EYA1: variants seen among roughly 807,000 people sequenced by gnomAD.
The protein encoded by EYA1 is EYA transcriptional coactivator and phosphatase 1.
Under a neutral mutation model 82.0 loss-of-function variants are expected in EYA1, and 16 were observed. The observed-to-expected ratio is 0.20, with a 90% CI of 0.13 to 0.30. EYA1 has a LOEUF of 0.30. Among genes scored for constraint, EYA1 ranks in the 10% least tolerant of loss-of-function variants. The pLI, the probability that EYA1 is intolerant of heterozygous loss-of-function variation, is 1.00. For synonymous variants in EYA1, 261 were observed against 264.4 expected (o/e 0.99, Z 0.12); for missense variants, 633 against 730.7 (o/e 0.87, Z 1.54).
intron 2 of EYA1, among the ~76,000 whole-genome samples, chr8:71,379,258 A>G (rs1828554919): frequency 1.3e-5 from 2 of 152,128 alleles, no homozygotes; most frequent in African/African-American, 4.8e-5. Context: ...CCACACCTGT[A>G]CATACTCCTA....
chr8:71,482,883 G>A (rs1404364816), intron 2 of EYA1, among the ~76,000 whole-genome samples: 1 of 152,212 alleles, frequency 6.6e-6, no homozygotes, highest in East Asian at 1.9e-4. Flanking sequence ...GGTATCAGCT[G>A]AAAGAGAGGG....
At chr8:71,394,794 T>C (rs1309243042) in intron 2 of EYA1, among the ~76,000 whole-genome samples, 7 of 152,204 alleles carry the variant, frequency 4.6e-5, no homozygotes, top group Non-Finnish European at 8.8e-5. Flanking sequence ...TGGATCCATA[T>C]GAACTTTAAA....
intron 2 of EYA1, among the ~76,000 whole-genome samples, chr8:71,382,583 T>C (rs986857778): frequency 6.6e-6 from 1 of 152,136 alleles, no homozygotes; most frequent in Non-Finnish European, 1.5e-5. Flanking sequence ...CTTAAAAGTA[T>C]ACATTAATAG....
rs141779040 is a variant in EYA1, at chr8:71,321,827, A to G, written c.325T>C (p.Tyr109His). Residue 109 changes from tyrosine (Y) to histidine (H), a missense_variant, in exon 6 of 18, where the codon TAT (tyrosine) becomes CAT (histidine). Coordinates refer to ENST00000340726, the MANE Select transcript of EYA1 (RefSeq NM_000503.6). ...PTPSSQTMAA[Y>H]GQTQFTTGMQ... ...CCTGTGGTAAACTGTGTTTGCCCAT[A>G]TGCAGCCATAGTTTGTGAGGAAGGG... 129 of 1,614,108 alleles carry G rather than the reference A, an allele frequency of 8.0e-5. No individual in the cohort carries two copies. Among genetic ancestry groups the G allele is most frequent in the Non-Finnish European group, 1.1e-4 (125 of 1,180,034 alleles).
rs188510579 is a variant in EYA1, at chr8:71,473,939, T to C, written c.33+61805A>G. On this transcript the variant is annotated intron_variant, in intron 2 of 18. Coordinates refer to the EYA1 transcript ENST00000643681. ...CTGGAAACCATCATTCTCAGCAAAC[T>C]AAAACAGGAACAGAAAACAAAACAC... 4.1e-3 allele frequency among the ~76,000 whole-genome samples: 624 copies of C among 151,932 alleles called. 5 individuals carry two copies. Among genetic ancestry groups the C allele is most frequent in the African/African-American group, 0.014 (588 of 41,414 alleles).
intron 2 of EYA1, among the ~76,000 whole-genome samples, chr8:71,438,930 A>G (rs1276766545): frequency 6.6e-6 from 1 of 152,010 alleles, no homozygotes; most frequent in Non-Finnish European, 1.5e-5. Context: ...TGGGAGAAAA[A>G]TCCTGAGATA....
intron 2 of EYA1, among the ~76,000 whole-genome samples, chr8:71,504,894 C>A (rs529961274): frequency 2.8e-4 from 42 of 152,274 alleles, no homozygotes; most frequent in African/African-American, 9.6e-4. Flanking sequence ...CTCTGCCTCC[C>A]GGGCTCAAGT....
intron 2 of EYA1, among the ~76,000 whole-genome samples, chr8:71,515,012 A>G (rs1291138496): frequency 6.6e-6 from 1 of 152,168 alleles, no homozygotes; most frequent in Non-Finnish European, 1.5e-5. Flanking sequence ...ACAACTCCTA[A>G]TAATTAGCAC....
chr8:71,216,411 A>T (rs1157691073), intron 14 of EYA1, among the ~76,000 whole-genome samples: 1 of 152,134 alleles, frequency 6.6e-6, no homozygotes, highest in Middle Eastern at 3.2e-3. Flanking sequence ...AAGGATGCTA[A>T]TCCTTCCTTG....
chr8:71,429,987 A>G (rs1182201124), intron 2 of EYA1, among the ~76,000 whole-genome samples: 3 of 152,194 alleles, frequency 2.0e-5, no homozygotes, highest in Non-Finnish European at 2.9e-5. Flanking sequence ...CTATATATAA[A>G]CTTACTTTAA....
intron 2 of EYA1, among the ~76,000 whole-genome samples, chr8:71,479,843 T>A (rs1586800175): frequency 1.3e-5 from 2 of 152,302 alleles, no homozygotes; most frequent in East Asian, 3.9e-4. Context: ...CATTAATACC[T>A]GTCAGTGAGC....
At chr8:71,277,115 A>ATGC (rs1563383057) in intron 9 of EYA1, among the ~76,000 whole-genome samples, 32 of 76,946 alleles carry the variant, frequency 4.2e-4, no homozygotes, top group East Asian at 2.3e-3. Context: ...GGCTTCACAC[A>ATGC]TTTTTTTTTT....
chr8:71,421,943 G>C (rs753213914), intron 2 of EYA1, among the ~76,000 whole-genome samples: 1 of 152,176 alleles, frequency 6.6e-6, no homozygotes, highest in East Asian at 1.9e-4. Flanking sequence ...GAAAAGTATC[G>C]GCGTCAGTAT....
At chr8:71,416,686 G>A (rs2129145246) in intron 2 of EYA1, among the ~76,000 whole-genome samples, 1 of 152,172 alleles carries the variant, frequency 6.6e-6, no homozygotes, top group Non-Finnish European at 1.5e-5. Context: ...CCTTGGACTG[G>A]CAGCCTCAGC....
chr8:71,542,529 T>C (rs534468102), intron 1 of EYA1, among the ~76,000 whole-genome samples: 75 of 152,338 alleles, frequency 4.9e-4, no homozygotes, highest in African/African-American at 1.8e-3. Flanking sequence ...AACATACACG[T>C]GCATGTGTCT....
At chr8:71,211,075 C>A (rs1189983648) in intron 17 of EYA1, 81 bp downstream of exon 17, 1 of 875,156 alleles carries the variant, frequency 1.1e-6, no homozygotes, top group African/African-American at 1.6e-5. Context: ...ATAAATGGAA[C>A]CTGTTTAAAT....
chr8:71,291,363 C>T (rs1175271951), intron 9 of EYA1, among the ~76,000 whole-genome samples: 1 of 152,174 alleles, frequency 6.6e-6, no homozygotes, highest in Non-Finnish European at 1.5e-5. Context: ...GTTTCCCATG[C>T]ATATTGAATT....
At chr8:71,253,789 C>G (rs1814041827) in intron 11 of EYA1, among the ~76,000 whole-genome samples, 1 of 152,166 alleles carries the variant, frequency 6.6e-6, no homozygotes, top group Admixed American at 6.5e-5. Context: ...GGTGACTCAG[C>G]ATGAGTCACT....
intron 3 of EYA1, among the ~76,000 whole-genome samples, chr8:71,345,096 GAAGATATGTTTCTTTTTAAAAATAT>G (rs1825557807): frequency 6.6e-6 from 1 of 152,190 alleles, no homozygotes; most frequent in Non-Finnish European, 1.5e-5. Flanking sequence ...GCCAGTCCCA[GAAGATATGTTTCTTTTTAAAAATAT>G]AACATTATTT....
Sources: allele counts gnomAD v4.1 joint callset (sites outside exome capture counted in the v4.1 genomes callset), GRCh38; gene constraint gnomAD v4.1.1; transcripts MANE v1.5; gene names NCBI Gene and HGNC (gene_info 2026-07-23, HGNC 2026-07-21).